The following CDR2L variants were observed in gnomAD, a reference collection of about 807,000 sequenced individuals.
CDR2L encodes the protein cerebellar degeneration-related protein 2-like.
CDR2L carries 19 observed loss-of-function variants against 36.1 expected under a neutral mutation model. The ratio of observed to expected loss-of-function variants is 0.53; its 90% CI spans 0.37 to 0.77. The LOEUF is 0.77. Ranked by LOEUF, CDR2L falls within the 30% of genes least tolerant of loss-of-function variation. The pLI is 0.00. For synonymous variants in CDR2L, 285 were observed against 280.4 expected (o/e 1.02, Z -0.16); for missense variants, 575 against 627.2 (o/e 0.92, Z 0.89).
rs541575534 is a variant in CDR2L, at chr17:75,003,775, T to G, written c.1099T>G (p.Tyr367Asp). ...GCAGTACCACGCGCTGCTGGAGAAG[T>G]ACGAGGAGCTGCTGAGCAAGTGCCG... ...DEQYHALLEK[Y>D]EELLSKCRQH... Residue 367 changes from tyrosine (Y) to aspartate (D), a missense_variant, in exon 5 of 5, where the codon TAC becomes GAC. Coordinates refer to ENST00000337231, the MANE Select transcript of CDR2L (RefSeq NM_014603.3). The G allele has an allele frequency of 6.6e-7, 1 of 1,516,590 alleles. No individual in the cohort carries two copies. Among genetic ancestry groups the G allele is most frequent in the Non-Finnish European group, 8.8e-7 (1 of 1,130,282 alleles). 93.9% of individuals were successfully genotyped at this position (1,516,590 alleles called of 1,614,324 possible). A position where few individuals can be genotyped will look rare whatever the true frequency, so the allele number is the denominator to read the frequency against.
Position 75,003,440 on chromosome 17 carries a change from A to G in CDR2L, c.764A>G (p.Gln255Arg). 6.3e-7 allele frequency: 1 copy of G among 1,577,520 alleles called. No homozygotes were observed. The highest frequency in any genetic ancestry group is 8.6e-7 in the Non-Finnish European group (1 of 1,162,864). ...CTGGAGGCCGAGCTGCTGGAGCTGCAGCAGATGAAGCAGGCCAAGACCTAC... is the reference window on the plus strand; with the variant it reads ...CTGGAGGCCGAGCTGCTGGAGCTGCGGCAGATGAAGCAGGCCAAGACCTAC... The part of the protein sequence containing the change: ...QELEAELLEL[Q>R]QMKQAKTYLL... The change falls in exon 5 of 5, where the codon CAG becomes CGG. Residue 255 changes from glutamine (Q) to arginine (R), a missense_variant. Physicochemically the swap from Gln to Arg is conservative, Grantham distance 43. Coordinates refer to ENST00000337231, the MANE Select transcript of CDR2L (RefSeq NM_014603.3).
rs1466906306 is a variant in CDR2L at position 74,989,126 on chromosome 17, G to A, written c.79+1004G>A. On this transcript the variant is annotated intron_variant, in intron 1 of 4. Transcript: ENST00000337231. This position sits in a 1 kb window ranked among gnomAD's most constrained non-coding sequence, Gnocchi z 4.2. ...GCTGCAGTTTGTGCCATTGTGGCCT[G>A]CTGTGGTGTGCCCACACCCTGGTCT... is the stretch of plus-strand genomic sequence containing the variant. Among the ~76,000 whole-genome samples, 1 of 152,206 alleles carries A rather than the reference G, an allele frequency of 6.6e-6. No homozygotes were observed. Among genetic ancestry groups the A allele is most frequent in the African/African-American group, 2.4e-5 (1 of 41,454 alleles).
intron 2 of CDR2L, among the ~76,000 whole-genome samples, chr17:75,000,360 C>A (rs903727626): frequency 4.8e-5 from 1 of 20,874 alleles, no homozygotes; most frequent in Non-Finnish European, 8.0e-5. Flanking sequence ...TGCAGTGGCG[C>A]GATCTGGGCT....
At chr17:74,992,518 CCT>C (rs1042567032) in intron 1 of CDR2L, among the ~76,000 whole-genome samples, 2 of 151,968 alleles carry the variant, frequency 1.3e-5, no homozygotes, top group Non-Finnish European at 2.9e-5. Context: ...CGTTCCCAGG[CCT>C]CTCTCCTCTG....
rs34721207 is a variant in CDR2L at position 74,989,748 on chromosome 17, G to T, written c.79+1626G>T. On this transcript the variant is annotated intron_variant, in intron 1 of 4. Coordinates refer to ENST00000337231, the MANE Select transcript of CDR2L (RefSeq NM_014603.3). The surrounding 1 kb of genome is among the most constrained non-coding windows in gnomAD (Gnocchi z 4.2). ...CAGCTCACTGCAACCTCCATCTCCCGGGTTCAAGTGATTCTCCTGCCTCAG... is the reference window on the plus strand; with the variant it reads ...CAGCTCACTGCAACCTCCATCTCCCTGGTTCAAGTGATTCTCCTGCCTCAG... Among the ~76,000 whole-genome samples the T allele has an allele frequency of 6.6e-6, 1 of 151,984 alleles. No individual in the cohort carries two copies. The highest frequency in any genetic ancestry group is 2.4e-5 in the African/African-American group (1 of 41,342).
In CDR2L at chr17:75,004,215, T is replaced by A; in HGVS notation, c.*141T>A. 3 of 717,522 alleles carry A rather than the reference T, an allele frequency of 4.2e-6. No individual in the cohort carries two copies. The highest frequency in any genetic ancestry group is 6.8e-6 in the Non-Finnish European group (3 of 443,598). The allele number at this position is 717,522 out of a possible 1,614,324, so 44.4% of individuals were successfully genotyped here. On this transcript the variant is annotated 3_prime_UTR_variant, in exon 5 of 5. Transcript: ENST00000337231. The stretch of plus-strand genomic sequence containing the variant: ...CCTCCTGATCCGGAAGCACGCAGCA[T>A]GTTCCCTGCTGAGCGGAGGCAGCCC...
rs1289482555 is a variant in CDR2L, at chr17:75,002,040, G to C, written c.342-24G>C. 7 of 1,540,510 alleles carry C rather than the reference G, an allele frequency of 4.5e-6. No homozygotes were observed. The South Asian group carries it at 6.2e-5, about 14-fold the overall frequency. ...CTGGCCCCATCCCCTTAAAGTCCCT[G>C]TGTGTCCACCACCCCGCCCCCAGGC... On this transcript the variant is annotated intron_variant, in intron 3 of 4. Coordinates refer to ENST00000337231, the MANE Select transcript of CDR2L (RefSeq NM_014603.3). The surrounding 1 kb of genome is among the most constrained non-coding windows in gnomAD (Gnocchi z 4.1).
intron 2 of CDR2L, among the ~76,000 whole-genome samples, chr17:74,999,831 C>A (rs1352006926): frequency 2.0e-5 from 3 of 151,856 alleles, no homozygotes; most frequent in African/African-American, 4.8e-5. Context: ...TAAATAGACA[C>A]CAAGTCTCAC....
In CDR2L at chr17:75,004,004, T is replaced by A; in HGVS notation, c.1328T>A (p.Ile443Asn). 6.2e-7 allele frequency: 1 copy of A among 1,610,540 alleles called. No homozygotes were observed. Among genetic ancestry groups the A allele is most frequent in the Non-Finnish European group, 8.5e-7 (1 of 1,178,600 alleles). The change falls in exon 5 of 5, where the codon ATC becomes AAC. Residue 443 changes from isoleucine to asparagine, a missense_variant. By Grantham distance (149) the Ile-to-Asn change is moderately radical (BLOSUM62 -3). Coordinates refer to ENST00000337231, the MANE Select transcript of CDR2L (RefSeq NM_014603.3). ...GAGTACAAGGCGCTCTTCAAAGAGA[T>A]CTTCTCCAGGATCCAGAAGACCAAG... ...QPEYKALFKE[I>N]FSRIQKTKAD...
intron 1 of CDR2L, among the ~76,000 whole-genome samples, chr17:74,994,585 G>A (rs557998749): frequency 4.7e-4 from 71 of 152,246 alleles, no homozygotes; most frequent in African/African-American, 1.4e-3. Context: ...TGCACAAAAC[G>A]TTTTGTACAA....
intron 3 of CDR2L, among the ~76,000 whole-genome samples, chr17:75,001,750 T>A (rs1214893634): frequency 2.0e-5 from 3 of 152,152 alleles, no homozygotes; most frequent in African/African-American, 7.2e-5. Flanking sequence ...TGCCCTCTAA[T>A]ACCTCACAGC....
At chr17:74,988,880 T>A (rs1286035533) in intron 1 of CDR2L, among the ~76,000 whole-genome samples, 1 of 151,996 alleles carries the variant, frequency 6.6e-6, no homozygotes, top group Non-Finnish European at 1.5e-5. Context: ...GGTTAGAAGC[T>A]GGTGATGAGG....
Position 75,002,103 on chromosome 17 carries a change from G to A in CDR2L, c.381G>A (p.Glu127=). ...TTGAGCGCCTCCAGGCTCAGGTGGA[G>A]GAGCTGCAGGCCCAGGTGGAGCAAC... ...ETIERLQAQV[E]ELQAQVEQLR... is the part of the protein sequence containing the mutation. The change falls in exon 4 of 5, where the codon GAG becomes GAA. Residue 127 remains glutamate, a synonymous_variant. Transcript: ENST00000337231. The surrounding 1 kb of genome is among the most constrained non-coding windows in gnomAD (Gnocchi z 4.1). 1 of 1,600,976 alleles carries A rather than the reference G, an allele frequency of 6.2e-7. No homozygotes were observed. The highest frequency in any genetic ancestry group is 8.5e-7 in the Non-Finnish European group (1 of 1,174,860).
At chr17:74,992,487 T>C (rs1265559392) in intron 1 of CDR2L, among the ~76,000 whole-genome samples, 1 of 151,990 alleles carries the variant, frequency 6.6e-6, no homozygotes, top group Non-Finnish European at 1.5e-5. Flanking sequence ...ACTTCCTGTC[T>C]AGCCAGCTCC....
chr17:74,990,792 G>A (rs2039791986), intron 1 of CDR2L, among the ~76,000 whole-genome samples: 1 of 152,216 alleles, frequency 6.6e-6, no homozygotes, highest in Admixed American at 6.5e-5. Flanking sequence ...GTGGGACGGA[G>A]CACGGGCCAA....
chr17:74,988,480 G>A (rs2039777373), intron 1 of CDR2L, among the ~76,000 whole-genome samples: 1 of 152,200 alleles, frequency 6.6e-6, no homozygotes, highest in East Asian at 1.9e-4. Flanking sequence ...TTCTGAGGCC[G>A]GGAGGCGGCT....
Position 74,999,313 on chromosome 17 carries a change from CACAG to C in CDR2L, c.80-187_80-184del, listed in dbSNP as rs1225145602. ...GCACACACACACACACACACACACA[CACAG>C]ACACACACAAAAAGAACATTCCAGG... On this transcript the variant is annotated intron_variant, in intron 1 of 4. Transcript: ENST00000337231. 9.5e-3 allele frequency among the ~76,000 whole-genome samples: 1,382 copies of C among 145,714 alleles called. 14 individuals carry two copies. The highest frequency in any genetic ancestry group is 0.03 in the African/African-American group (1,201 of 40,060).
At position 75,002,802 on chromosome 17, in the gene CDR2L, A is replaced by G. The variant is rs1156369209; in HGVS notation, c.507-381A>G. Among the ~76,000 whole-genome samples the G allele has an allele frequency of 6.6e-6, 1 of 152,134 alleles. No homozygotes were observed. The highest frequency in any genetic ancestry group is 6.5e-5 in the Admixed American group (1 of 15,280). On this transcript the variant is annotated intron_variant, in intron 4 of 4. Coordinates refer to ENST00000337231, the MANE Select transcript of CDR2L (RefSeq NM_014603.3). This position sits in a 1 kb window ranked among gnomAD's most constrained non-coding sequence, Gnocchi z 4.1. ...CCACCAGCCCTAGGCCTCAAAGCGC[A>G]AGGGGGAAGGGAGGTTACCGGCACC...
chr17:74,995,089 A>G (rs989896354), intron 1 of CDR2L, among the ~76,000 whole-genome samples: 4 of 150,696 alleles, frequency 2.7e-5, no homozygotes, highest in Non-Finnish European at 4.4e-5. Flanking sequence ...AAAAAAAGAG[A>G]TGGGGTCTCA....
Sources: gnomAD v4.1 joint callset for allele counts (sites outside exome capture counted in the v4.1 genomes callset) on GRCh38, gnomAD v4.1.1 for gene constraint, Gnocchi (gnomAD v3.1) non-coding constraint, MANE v1.5 for transcripts, NCBI Gene and HGNC (gene_info 2026-07-23, HGNC 2026-07-21) for gene names.